The following SH3PXD2A variants were observed in gnomAD, a reference collection of about 807,000 sequenced individuals.
SH3PXD2A encodes SH3 and PX domain-containing protein 2A.
In SH3PXD2A, 32 loss-of-function variants were observed where a neutral mutation model predicts 115.2. That is an observed-to-expected ratio of 0.28 (90% CI 0.21 to 0.37). The LOEUF is 0.37. Among genes scored for constraint, SH3PXD2A ranks in the 10% least tolerant of loss-of-function variants. The probability of loss-of-function intolerance (pLI) is 1.00; values close to 1 mark genes in which losing one functional copy is unlikely to be tolerated. For missense variants in SH3PXD2A, 1,328 were observed against 1,498.7 expected (o/e 0.89, Z 1.88); for synonymous variants, 610 against 629.1 (o/e 0.97, Z 0.45).
chr10:103,716,314 T>A (rs957231867), intron 5 of SH3PXD2A, among the ~76,000 whole-genome samples: 1 of 151,262 alleles, frequency 6.6e-6, no homozygotes, highest in Non-Finnish European at 1.5e-5. Flanking sequence ...CCATGGGGAG[T>A]GTTGGGGGCC....
chr10:103,849,936 A>AT (rs1186616267), intron 1 of SH3PXD2A, among the ~76,000 whole-genome samples: 2 of 152,078 alleles, frequency 1.3e-5, no homozygotes, highest in African/African-American at 2.4e-5. Context: ...TATTTGTTTC[A>AT]TTTTGTTTAA....
chr10:103,630,947 G>C (rs1012823327), intron 8 of SH3PXD2A, among the ~76,000 whole-genome samples: 26 of 152,156 alleles, frequency 1.7e-4, no homozygotes, highest in African/African-American at 6.3e-4. Context: ...TACATTCCGA[G>C]ACCCCCAGTG....
At chr10:103,766,675 T>C (rs2038757922) in intron 3 of SH3PXD2A, among the ~76,000 whole-genome samples, 1 of 152,176 alleles carries the variant, frequency 6.6e-6, no homozygotes. Flanking sequence ...CTCTTCCATA[T>C]AAGGTGACGT....
intron 6 of SH3PXD2A, among the ~76,000 whole-genome samples, chr10:103,674,153 C>A (rs936498242): frequency 2.0e-5 from 3 of 152,214 alleles, no homozygotes; most frequent in African/African-American, 7.2e-5. Context: ...GCAGACTCCA[C>A]GTTTCTTTTC....
At chr10:103,713,303 T>A (rs923778598) in intron 5 of SH3PXD2A, among the ~76,000 whole-genome samples, 2 of 152,172 alleles carry the variant, frequency 1.3e-5, no homozygotes, top group Non-Finnish European at 2.9e-5. Context: ...CCTCTCTAGA[T>A]CCTGACTGTT....
intron 7 of SH3PXD2A, among the ~76,000 whole-genome samples, chr10:103,667,360 T>C (rs919398261): frequency 4.6e-5 from 7 of 152,142 alleles, no homozygotes; most frequent in African/African-American, 2.4e-5. Flanking sequence ...TCTAGCCCCT[T>C]ATAACTGGTT....
At chr10:103,615,204 G>A (rs950625690) in intron 11 of SH3PXD2A, among the ~76,000 whole-genome samples, 8 of 152,230 alleles carry the variant, frequency 5.3e-5, no homozygotes, top group African/African-American at 1.9e-4. Context: ...TGAGCCCACT[G>A]GCCCTCACTG....
At chr10:103,633,891 G>A (rs935039883) in intron 8 of SH3PXD2A, among the ~76,000 whole-genome samples, 10 of 152,178 alleles carry the variant, frequency 6.6e-5, no homozygotes, top group African/African-American at 2.4e-4. Flanking sequence ...AGCTTCTGGT[G>A]CAGCAGAGAT....
At chr10:103,635,132 T>C (rs545564712) in intron 8 of SH3PXD2A, among the ~76,000 whole-genome samples, 2 of 151,980 alleles carry the variant, frequency 1.3e-5, no homozygotes, top group Non-Finnish European at 2.9e-5. Context: ...TAAGCTGGGG[T>C]TTTAGGGCTA....
At chr10:103,681,195 A>G (rs2037603469) in intron 6 of SH3PXD2A, among the ~76,000 whole-genome samples, 1 of 151,786 alleles carries the variant, frequency 6.6e-6, no homozygotes, top group Non-Finnish European at 1.5e-5. Flanking sequence ...GCCATTCTCC[A>G]AGACTCCAAA....
chr10:103,832,682 TCA>T (rs1298920137), intron 1 of SH3PXD2A, among the ~76,000 whole-genome samples: 3 of 152,052 alleles, frequency 2.0e-5, no homozygotes, highest in African/African-American at 7.3e-5. Flanking sequence ...ATGTTCTTAC[TCA>T]TAGGTGGGAA....
chr10:103,629,231 A>G (rs1429177464), intron 8 of SH3PXD2A, among the ~76,000 whole-genome samples: 1 of 152,212 alleles, frequency 6.6e-6, no homozygotes, highest in African/African-American at 2.4e-5. Context: ...ACCTCTTAGG[A>G]GCGAATAGCT....
intron 3 of SH3PXD2A, among the ~76,000 whole-genome samples, chr10:103,750,162 C>T (rs868074152): frequency 3.3e-5 from 5 of 152,184 alleles, no homozygotes; most frequent in Non-Finnish European, 5.9e-5. Flanking sequence ...AGTGATCCTC[C>T]CACCTCAGCC....
At chr10:103,765,894 C>A (rs1273318587) in intron 3 of SH3PXD2A, among the ~76,000 whole-genome samples, 1 of 152,242 alleles carries the variant, frequency 6.6e-6, no homozygotes, top group African/African-American at 2.4e-5. Flanking sequence ...ATGCTATGAC[C>A]CTGTGCGGGG....
Position 103,602,949 on chromosome 10 carries a change from G to A in SH3PXD2A, c.2269C>T (p.Arg757Trp), listed in dbSNP as rs368491495. Reference protein sequence around the residue: ...TSCPRAKPSVRPKPFLNRAES... With the variant: ...TSCPRAKPSVWPKPFLNRAES... ...GCTCGGTTTAGGAATGGCTTGGGCC[G>A]GACCGATGGCTTGGCCCGGGGACAG... Residue 757 changes from arginine (R) to tryptophan (W), a missense_variant, in exon 15 of 15, where the codon CGG becomes TGG. Physicochemically the swap from Arg to Trp is moderately radical, Grantham distance 101. Transcript: ENST00000369774. 1.8e-5 allele frequency: 29 copies of A among 1,614,222 alleles called. No homozygotes were observed. The African/African-American group carries it at 1.9e-4, about 10-fold the overall frequency.
intron 8 of SH3PXD2A, among the ~76,000 whole-genome samples, chr10:103,652,715 G>T (rs902994): frequency 0.14 from 21,044 of 152,154 alleles, 1,798 homozygotes; most frequent in South Asian, 0.27. Flanking sequence ...AGCCGGGGAG[G>T]GGGGTGAGAG....
intron 3 of SH3PXD2A, among the ~76,000 whole-genome samples, chr10:103,764,658 AAATTCTTTT>A (rs544651117): frequency 2.1e-3 from 323 of 152,314 alleles, no homozygotes; most frequent in Middle Eastern, 6.8e-3. Flanking sequence ...TGTTTTGCGT[AAATTCTTTT>A]AATCCTCACT....
intron 2 of SH3PXD2A, among the ~76,000 whole-genome samples, chr10:103,778,101 A>T (rs1420345981): frequency 6.6e-6 from 1 of 152,166 alleles, no homozygotes; most frequent in African/African-American, 2.4e-5. Context: ...AAGCCGAGGC[A>T]GGAGGATCAC....
At chr10:103,661,676 G>A in intron 7 of SH3PXD2A, 2 of 985,382 alleles carry the variant, frequency 2.0e-6, no homozygotes, top group Non-Finnish European at 2.4e-6. Flanking sequence ...GGCGGGAGAG[G>A]GAGAGGAGAG....
Sources: gnomAD v4.1 joint callset for allele counts (sites outside exome capture counted in the v4.1 genomes callset) on GRCh38, gnomAD v4.1.1 for gene constraint, MANE v1.5 for transcripts, NCBI Gene and HGNC (gene_info 2026-07-23, HGNC 2026-07-21) for gene names.